DDHD2: variants seen among roughly 807,000 people sequenced by gnomAD.
The protein encoded by DDHD2 is DDHD domain containing 2.
DDHD2 carries 62 observed loss-of-function variants against 91.2 expected under a neutral mutation model. The observed-to-expected ratio is 0.68, with a 90% CI of 0.55 to 0.84. The LOEUF is 0.84. Among genes scored for constraint, DDHD2 ranks in the 40% least tolerant of loss-of-function variants. The pLI, the probability that DDHD2 is intolerant of heterozygous loss-of-function variation, is 0.00. For missense variants in DDHD2, 740 were observed against 846.9 expected (o/e 0.87, Z 1.57); for synonymous variants, 271 against 293.9 (o/e 0.92, Z 0.80).
At chr8:38,233,531 G>C (rs1361683060) in intron 2 of DDHD2, among the ~76,000 whole-genome samples, 1 of 151,846 alleles carries the variant, frequency 6.6e-6, no homozygotes, top group African/African-American at 2.4e-5. Context: ...CAATCTTTCT[G>C]ACTGGGCCTC....
rs772485062 is a variant in DDHD2, at chr8:38,238,143, A to G, written c.556A>G (p.Thr186Ala). Residue 186 changes from threonine (T) to alanine (A), a missense_variant, in exon 5 of 18, where the codon ACG (threonine) becomes GCG (alanine). By Grantham distance (58) the Thr-to-Ala change is moderately conservative. This residue lies in a region of DDHD2 where 693 missense variants were observed against 764.2 expected (regional missense o/e 0.91). Coordinates refer to ENST00000397166, the MANE Select transcript of DDHD2 (RefSeq NM_015214.3). ...AGSDDWGSTP[T>A]EQGRPRTVKR... ...GTCTGATGATTGGGGTTCAACACCC[A>G]CGGAGCAGGGTCGACCAAGAACTGT... 70 of 1,613,890 alleles carry G rather than the reference A, an allele frequency of 4.3e-5. No homozygotes were observed. Among genetic ancestry groups the G allele is most frequent in the Non-Finnish European group, 5.3e-5 (63 of 1,179,984 alleles).
chr8:38,253,535 T>G, intron 15 of DDHD2, 21 bp from the exon 16 acceptor site: 1 of 1,603,144 alleles, frequency 6.2e-7, no homozygotes, highest in Non-Finnish European at 8.5e-7. Flanking sequence ...TAGATTCTTA[T>G]TATGGTTCTT....
Position 38,252,762 on chromosome 8 carries a change from C to T in DDHD2, c.1658C>T (p.Pro553Leu). 6.2e-7 allele frequency: 1 copy of T among 1,613,924 alleles called. No individual in the cohort carries two copies. The highest frequency in any genetic ancestry group is 1.1e-5 in the South Asian group (1 of 91,066). Residue 553 changes from proline to leucine, a missense_variant, in exon 14 of 18, where the codon CCA becomes CTA. Transcript: ENST00000397166. ...VAYRIEPMVVPGVEFEPMLIP... is the reference protein window; with the variant it reads ...VAYRIEPMVVLGVEFEPMLIP... ...TATAGGATTGAACCAATGGTGGTCC[C>T]AGGAGTGGAATTTGAGCCAATGCTG...
chr8:38,237,958 G>A (rs1340644661), intron 4 of DDHD2, 131 bp from the exon 5 acceptor site: 1 of 853,564 alleles, frequency 1.2e-6, no homozygotes, highest in Non-Finnish European at 1.8e-6. Context: ...AGCCATACGA[G>A]TTGTATATCA....
chr8:38,268,007 G>T, intron 1 of DDHD2: 1 of 1,613,746 alleles, frequency 6.2e-7, no homozygotes, highest in Non-Finnish European at 8.5e-7. Context: ...AGGAGGAAAG[G>T]TATGGTCATG....
At chr8:38,273,080 AG>A, downstream of DDHD2, 1 of 152,134 alleles carries the variant, frequency 6.6e-6, no homozygotes, top group Non-Finnish European at 1.5e-5. Flanking sequence ...CCCAGGCTGG[AG>A]TGCAGTGATG....
At chr8:38,267,178 A>G (rs1807752024), downstream of DDHD2, 1 of 1,609,022 alleles carries the variant, frequency 6.2e-7, no homozygotes, top group East Asian at 2.2e-5. Context: ...AAACAAGAGT[A>G]GTCAGATTTT....
rs1807087376 is a variant in DDHD2 at position 38,262,204 on chromosome 8, G to A, written c.*1631G>A. Reference sequence around the variant, plus strand: ...AGGTATATAAACTCTGAGTTATTGAGAATTAAGTATTCACTGTATATTAAG... The same window carrying A: ...AGGTATATAAACTCTGAGTTATTGAAAATTAAGTATTCACTGTATATTAAG... On this transcript the variant is annotated 3_prime_UTR_variant, in exon 18 of 18. Coordinates refer to ENST00000397166, the MANE Select transcript of DDHD2 (RefSeq NM_015214.3). 1 of 152,128 alleles carries A rather than the reference G, an allele frequency of 6.6e-6. No homozygotes were observed. Among genetic ancestry groups the A allele is most frequent in the African/African-American group, 2.4e-5 (1 of 41,422 alleles). The allele number at this position is 152,128 out of a possible 1,614,324, so 9.4% of individuals were successfully genotyped here. A position where few individuals can be genotyped will look rare whatever the true frequency, so the allele number is the denominator to read the frequency against.
intron 11 of DDHD2, 94 bp from the exon 12 acceptor site, chr8:38,251,818 A>G: frequency 3.7e-6 from 3 of 803,940 alleles, no homozygotes. Context: ...AAACAATCCT[A>G]CCTACCTACC....
At chr8:38,236,075 C>T (rs552311730) in intron 3 of DDHD2, among the ~76,000 whole-genome samples, 23 of 152,104 alleles carry the variant, frequency 1.5e-4, no homozygotes, top group Admixed American at 7.9e-4. Flanking sequence ...TGCAGTGGCA[C>T]GATCTTGGCT....
chr8:38,232,852 C>G, intron 1 of DDHD2, 135 bp from the exon 2 acceptor site: 1 of 636,944 alleles, frequency 1.6e-6, no homozygotes, highest in South Asian at 2.0e-5. Flanking sequence ...TGTTATTTCT[C>G]TTTTAAATTA....
chr8:38,271,230 C>CTAT (rs1419894664), exon 2 of DDHD2: 1 of 152,134 alleles, frequency 6.6e-6, no homozygotes, highest in Non-Finnish European at 1.5e-5. Flanking sequence ...AGAGACTAGG[C>CTAT]TATTTATTTT....
At chr8:38,263,902 T>C (rs557448600), downstream of DDHD2, 1 of 985,344 alleles carries the variant, frequency 1.0e-6, no homozygotes, top group Non-Finnish European at 1.2e-6. Flanking sequence ...TAGACCAGAT[T>C]CATAAGGTGT....
rs200671463 is a variant in DDHD2 at position 38,235,871 on chromosome 8, G to A, written c.411+1287G>A. 1.6e-3 allele frequency among the ~76,000 whole-genome samples: 81 copies of A among 50,428 alleles called. No homozygotes were observed. In the East Asian group the frequency reaches 0.051, roughly 32 times the overall value. 33.1% of individuals were successfully genotyped at this position (50,428 alleles called of 152,430 possible). A position where few individuals can be genotyped will look rare whatever the true frequency, so the allele number is the denominator to read the frequency against. ...CCCACCACTACAAAAAAAAGTACAC[G>A]CGCACACACACACACACACACACAC... On this transcript the variant is annotated intron_variant, in intron 3 of 17. Coordinates refer to ENST00000397166, the MANE Select transcript of DDHD2 (RefSeq NM_015214.3).
At chr8:38,242,223 G>A (rs916279503) in intron 6 of DDHD2, 27 bp from the exon 7 acceptor site, 34 of 1,553,380 alleles carry the variant, frequency 2.2e-5, no homozygotes, top group Non-Finnish European at 3.0e-5. Context: ...CTTCATTGTT[G>A]ATGCATAAGT....
downstream of DDHD2, chr8:38,264,144 A>C: frequency 9.7e-7 from 1 of 1,035,108 alleles, no homozygotes; most frequent in Non-Finnish European, 1.2e-6. Flanking sequence ...CTATTGAGAT[A>C]GATTCAATTT....
chr8:38,268,333 C>G (rs1585823485), intron 1 of DDHD2: 1 of 1,527,306 alleles, frequency 6.5e-7, no homozygotes, highest in Non-Finnish European at 8.9e-7. Flanking sequence ...CCTAGGTTCC[C>G]AGCACGAAGA....
intron 16 of DDHD2, chr8:38,255,417 G>A: frequency 4.6e-6 from 2 of 433,846 alleles, no homozygotes; most frequent in South Asian, 3.4e-5. Flanking sequence ...TTTCTGTGTG[G>A]GCAGTACATT....
At chr8:38,236,385 C>T (rs1804753336) in intron 3 of DDHD2, among the ~76,000 whole-genome samples, 1 of 150,712 alleles carries the variant, frequency 6.6e-6, no homozygotes, top group African/African-American at 2.4e-5. Flanking sequence ...GACAGAGTCT[C>T]ACTCTGTTGC....
Sources: allele counts gnomAD v4.1 joint callset (sites outside exome capture counted in the v4.1 genomes callset), GRCh38; gene constraint gnomAD v4.1.1; regional missense constraint gnomAD v4.1.1; transcripts MANE v1.5; gene names NCBI Gene and HGNC (gene_info 2026-07-23, HGNC 2026-07-21).